The following ZNF438 variants were observed in gnomAD, a reference collection of about 807,000 sequenced individuals.
ZNF438 encodes the protein zinc finger protein 438.
In ZNF438, 25 loss-of-function variants were observed where a neutral mutation model predicts 38.0. The ratio of observed to expected loss-of-function variants is 0.66; its 90% CI spans 0.48 to 0.92. The LOEUF (loss-of-function observed/expected upper bound fraction) is 0.92. ZNF438 is among the 40% of genes least tolerant of loss of function. ZNF438 has a pLI of 0.00. For missense variants in ZNF438, 1,007 were observed against 999.6 expected (o/e 1.01, Z -0.10); for synonymous variants, 372 against 364.1 (o/e 1.02, Z -0.25).
chr10:30,906,417 T>C (rs1424391507), intron 3 of ZNF438, among the ~76,000 whole-genome samples: 1 of 152,238 alleles, frequency 6.6e-6, no homozygotes, highest in African/African-American at 2.4e-5. Flanking sequence ...ATCTTTATAT[T>C]GATCTTGTAT....
intron 2 of ZNF438, among the ~76,000 whole-genome samples, chr10:30,913,255 C>T (rs537748187): frequency 6.6e-6 from 1 of 152,096 alleles, no homozygotes; most frequent in East Asian, 1.9e-4. Flanking sequence ...ACCTAAAAAG[C>T]TCTATAAGGT....
intron 1 of ZNF438, among the ~76,000 whole-genome samples, chr10:30,971,647 CTTT>C (rs1045754467): frequency 1.3e-5 from 2 of 151,958 alleles, no homozygotes; most frequent in Non-Finnish European, 2.9e-5. Context: ...AAAAAGTTTA[CTTT>C]TTTTATAGTT....
intron 1 of ZNF438, among the ~76,000 whole-genome samples, chr10:30,954,604 T>C (rs934178762): frequency 6.6e-5 from 10 of 152,160 alleles, no homozygotes; most frequent in African/African-American, 2.4e-4. Flanking sequence ...CTTTGGACTC[T>C]TAAATAGACA....
At chr10:31,019,644 G>A (rs11812822) in intron 1 of ZNF438, among the ~76,000 whole-genome samples, 5,978 of 152,306 alleles carry the variant, frequency 0.039, 359 homozygotes, top group African/African-American at 0.13. Flanking sequence ...CAAAAAGGCA[G>A]AGGCAGACAA....
At chr10:30,985,915 C>T (rs1486552979) in intron 1 of ZNF438, among the ~76,000 whole-genome samples, 2 of 152,172 alleles carry the variant, frequency 1.3e-5, no homozygotes, top group African/African-American at 4.8e-5. Context: ...TGTCAGTCAA[C>T]AACAGACTGC....
chr10:30,878,619 A>C (rs1235299628), intron 3 of ZNF438, among the ~76,000 whole-genome samples: 2 of 152,142 alleles, frequency 1.3e-5, no homozygotes, highest in African/African-American at 4.8e-5. Context: ...GGTGGAGTGT[A>C]GACACCCCAC....
exon 5 of ZNF438, chr10:30,848,874 C>G (rs148964717): frequency 6.2e-7 from 1 of 1,614,182 alleles, no homozygotes; most frequent in South Asian, 1.1e-5. Flanking sequence ...TGGTTGCAGA[C>G]GTGACATCTG....
intron 3 of ZNF438, among the ~76,000 whole-genome samples, chr10:30,881,715 C>G (rs1396066332): frequency 6.6e-6 from 1 of 152,056 alleles, no homozygotes; most frequent in East Asian, 1.9e-4. Context: ...ACTAATGCTA[C>G]TTTAGTTTCA....
chr10:31,025,483 T>C (rs1295203641), intron 1 of ZNF438, among the ~76,000 whole-genome samples: 1 of 152,260 alleles, frequency 6.6e-6, no homozygotes, highest in Non-Finnish European at 1.5e-5. Context: ...CTTCCAGTAT[T>C]TATTTCACAC....
intron 3 of ZNF438, among the ~76,000 whole-genome samples, chr10:30,878,375 T>C (rs538080696): frequency 2.0e-5 from 3 of 152,182 alleles, no homozygotes; most frequent in Middle Eastern, 3.4e-3. Context: ...AGAGGAAAGA[T>C]AGCTTAACTT....
intron 1 of ZNF438, among the ~76,000 whole-genome samples, chr10:30,942,411 T>G (rs2046910469): frequency 6.6e-6 from 1 of 152,196 alleles, no homozygotes; most frequent in African/African-American, 2.4e-5. Context: ...GTGAGATCTA[T>G]TTTGTTACTA....
At chr10:30,867,229 G>A (rs1307098490) in intron 4 of ZNF438, among the ~76,000 whole-genome samples, 1 of 152,178 alleles carries the variant, frequency 6.6e-6, no homozygotes, top group African/African-American at 2.4e-5. Flanking sequence ...CTGACTGAAT[G>A]CAGGACTAGA....
chr10:30,850,393 GT>G (rs1367970719), intron 4 of ZNF438, 26 bp from the exon 6 acceptor site: 2 of 1,593,198 alleles, frequency 1.3e-6, no homozygotes, highest in African/African-American at 1.3e-5. Context: ...AATATAAAGA[GT>G]TACTGTATGT....
intron 1 of ZNF438, among the ~76,000 whole-genome samples, chr10:30,982,159 T>A (rs1399158103): frequency 6.6e-6 from 1 of 150,984 alleles, no homozygotes; most frequent in African/African-American, 2.4e-5. Context: ...TGGAGTACAG[T>A]GGCGCGATCT....
intron 3 of ZNF438, among the ~76,000 whole-genome samples, chr10:30,885,096 C>G (rs989416500): frequency 2.6e-5 from 4 of 152,202 alleles, no homozygotes; most frequent in Non-Finnish European, 5.9e-5. Context: ...CATATATCAT[C>G]ACACTGACAT....
chr10:30,978,572 C>T (rs1039076105), intron 1 of ZNF438, among the ~76,000 whole-genome samples: 6 of 152,246 alleles, frequency 3.9e-5, no homozygotes, highest in Admixed American at 3.3e-4. Context: ...ATATAGAACA[C>T]AACCATTATC....
At chr10:30,953,254 T>G (rs2048434099) in intron 1 of ZNF438, among the ~76,000 whole-genome samples, 1 of 149,282 alleles carries the variant, frequency 6.7e-6, no homozygotes, top group African/African-American at 2.5e-5. Flanking sequence ...GACTGTTGTG[T>G]GGTGGGGGTA....
intron 4 of ZNF438, among the ~76,000 whole-genome samples, chr10:30,853,602 G>A (rs958268511): frequency 6.6e-6 from 1 of 152,164 alleles, no homozygotes; most frequent in Non-Finnish European, 1.5e-5. Flanking sequence ...TGCACAAATG[G>A]CTTCTTCTCA....
intron 4 of ZNF438, among the ~76,000 whole-genome samples, chr10:30,874,147 T>TATATATATATATATATATATATACATAC (rs1564541581): frequency 1.3e-5 from 1 of 76,844 alleles, no homozygotes; most frequent in African/African-American, 7.7e-5. Flanking sequence ...TATATATATA[T>TATATATATATATATATATATATACATAC]ATATATATAT....
Sources: allele counts gnomAD v4.1 joint callset (sites outside exome capture counted in the v4.1 genomes callset), GRCh38; gene constraint gnomAD v4.1.1; transcripts MANE v1.5; gene names NCBI Gene and HGNC (gene_info 2026-07-23, HGNC 2026-07-21).